TJP1: variants seen among roughly 807,000 people sequenced by gnomAD.
TJP1 encodes the protein tight junction protein ZO-1.
A neutral mutation model predicts 194.2 loss-of-function variants in TJP1; 43 were observed. The ratio of observed to expected loss-of-function variants is 0.22; its 90% CI spans 0.17 to 0.29. The LOEUF (loss-of-function observed/expected upper bound fraction) is 0.29. Ranked by LOEUF, TJP1 falls within the 10% of genes least tolerant of loss-of-function variation. The pLI is 1.00. For missense variants in TJP1, 1,971 were observed against 2,185.7 expected (o/e 0.90, Z 1.96); for synonymous variants, 801 against 779.0 (o/e 1.03, Z -0.47).
At chr15:29,713,972 A>G (rs1038061536) in intron 23 of TJP1, among the ~76,000 whole-genome samples, 1 of 152,224 alleles carries the variant, frequency 6.6e-6, no homozygotes, top group African/African-American at 2.4e-5. Flanking sequence ...TCCCTGTGAA[A>G]ACAATGACCA....
chr15:29,715,960 A>T (rs1019905308), intron 23 of TJP1, among the ~76,000 whole-genome samples: 1 of 152,228 alleles, frequency 6.6e-6, no homozygotes, highest in Non-Finnish European at 1.5e-5. Flanking sequence ...AACTATCAGT[A>T]CCAAATTCTC....
At chr15:29,813,479 G>A (rs62014467) in intron 1 of TJP1, among the ~76,000 whole-genome samples, 2 of 152,040 alleles carry the variant, frequency 1.3e-5, no homozygotes, top group Admixed American at 6.6e-5. Flanking sequence ...TACAAGAACT[G>A]AATGAAAACT....
chr15:29,783,684 C>T (rs1350794934), intron 2 of TJP1, among the ~76,000 whole-genome samples: 2 of 152,224 alleles, frequency 1.3e-5, no homozygotes, highest in Non-Finnish European at 2.9e-5. Context: ...GGGAGGCCAT[C>T]ATCCTTAGCA....
Position 29,737,797 on chromosome 15 carries a change from T to C in TJP1, c.1257-383A>G, listed in dbSNP as rs1158283428. Among the ~76,000 whole-genome samples the C allele has an allele frequency of 3.9e-5, 6 of 152,298 alleles. No homozygotes were observed. The South Asian group carries it at 1.0e-3, about 26-fold the overall frequency. ...TATTAATAACTGAAAAGTCAAATTT[T>C]TTAAAATAAAGGTAGAAATTGAAGT... is the stretch of plus-strand genomic sequence containing the variant. On this transcript the variant is annotated intron_variant, in intron 10 of 27. Coordinates refer to ENST00000614355, the MANE Select transcript of TJP1 (RefSeq NM_001330239.4).
chr15:29,890,679 A>G (rs1027882004), intron 2 of TJP1, among the ~76,000 whole-genome samples: 1 of 152,182 alleles, frequency 6.6e-6, no homozygotes, highest in Non-Finnish European at 1.5e-5. Context: ...AATAAAAAAT[A>G]TGTTGAAAAA....
intron 2 of TJP1, among the ~76,000 whole-genome samples, chr15:29,787,502 C>T (rs939768753): frequency 3.9e-5 from 6 of 152,124 alleles, no homozygotes; most frequent in African/African-American, 1.4e-4. Context: ...ACTCCGCATT[C>T]TTTAGCCATC....
intron 2 of TJP1, among the ~76,000 whole-genome samples, chr15:29,860,409 C>T (rs138060072): frequency 3.8e-3 from 584 of 152,220 alleles, no homozygotes; most frequent in Non-Finnish European, 6.7e-3. Flanking sequence ...GAAGACACTT[C>T]GCCCTTGCCC....
chr15:29,706,325 C>T (rs1334917943), intron 25 of TJP1, among the ~76,000 whole-genome samples: 3 of 152,246 alleles, frequency 2.0e-5, no homozygotes, highest in East Asian at 1.9e-4. Context: ...ATTAGTCAAA[C>T]GACCTTCATT....
intron 5 of TJP1, among the ~76,000 whole-genome samples, chr15:29,762,895 G>A (rs2046097977): frequency 6.6e-6 from 1 of 152,144 alleles, no homozygotes; most frequent in South Asian, 2.1e-4. Flanking sequence ...GTCACACTAT[G>A]CCTGGCTAGA....
At chr15:29,744,798 C>T (rs1261997871) in intron 8 of TJP1, among the ~76,000 whole-genome samples, 1 of 152,140 alleles carries the variant, frequency 6.6e-6, no homozygotes, top group African/African-American at 2.4e-5. Flanking sequence ...TAGTCATCAG[C>T]ATTCCAATCT....
chr15:29,788,643 G>C (rs2047864107), intron 2 of TJP1, among the ~76,000 whole-genome samples: 1 of 151,980 alleles, frequency 6.6e-6, no homozygotes, highest in Non-Finnish European at 1.5e-5. Context: ...ACACTCACTG[G>C]CTCACCCTTA....
downstream of TJP1, chr15:29,700,105 A>T (rs1337028958): frequency 1.8e-5 from 7 of 395,722 alleles, no homozygotes; most frequent in East Asian, 2.5e-4. Context: ...AGGATTATAA[A>T]GCTGCATGAA....
chr15:29,797,305 AC>A (rs2048477767), intron 2 of TJP1, among the ~76,000 whole-genome samples: 1 of 151,890 alleles, frequency 6.6e-6, no homozygotes, highest in Non-Finnish European at 1.5e-5. Flanking sequence ...ACATGCCAAC[AC>A]TCCCAGCTAA....
Position 29,792,848 on chromosome 15 carries a change from G to A in TJP1, c.84+7798C>T, listed in dbSNP as rs1230999988. On this transcript the variant is annotated intron_variant, in intron 2 of 27. Transcript: ENST00000614355. ...ACTTCTTTGGTTAAGTTTATTCCTA[G>A]GTATTTTATTTTATTTTATTTGTAG... 5.3e-5 allele frequency among the ~76,000 whole-genome samples: 8 copies of A among 151,944 alleles called. No individual in the cohort carries two copies. The East Asian group carries it at 7.7e-4, about 15-fold the overall frequency.
intron 2 of TJP1, among the ~76,000 whole-genome samples, chr15:29,863,890 A>C (rs1053008328): frequency 6.6e-6 from 1 of 152,050 alleles, no homozygotes; most frequent in African/African-American, 2.4e-5. Context: ...AAAAGTACAT[A>C]GTCTTTTAAA....
At position 29,769,653 on chromosome 15, in the gene TJP1, A is replaced by G. The variant is rs1050156705; in HGVS notation, c.312+2411T>C. Among the ~76,000 whole-genome samples, 37 of 152,306 alleles carry G rather than the reference A, an allele frequency of 2.4e-4. 1 individual carries two copies. Among genetic ancestry groups the G allele is most frequent in the African/African-American group, 8.9e-4 (37 of 41,560 alleles). ...GGACAGCACGTACTGCAGGGGCCCC[A>G]TAATATCACAATGGAGCTGAAAATC... On this transcript the variant is annotated intron_variant, in intron 4 of 27. Transcript: ENST00000614355.
chr15:29,956,130 T>C, intron 2 of TJP1: 1 of 1,020,312 alleles, frequency 9.8e-7, no homozygotes, highest in Non-Finnish European at 1.2e-6. Context: ...AATTAAAAAA[T>C]GCCTGCCACA....
chr15:29,761,078 T>C (rs1407826034), intron 8 of TJP1, 61 bp downstream of exon 8: 2 of 1,465,242 alleles, frequency 1.4e-6, no homozygotes, highest in Non-Finnish European at 1.8e-6. Context: ...GTAAGCAATT[T>C]CAGATACTGG....
chr15:29,761,814 A>G (rs1442493388), intron 6 of TJP1, 45 bp from the exon 7 acceptor site: 12 of 1,449,190 alleles, frequency 8.3e-6, no homozygotes, highest in Non-Finnish European at 1.0e-5. Context: ...ATAATAAAAT[A>G]CAAATGTTAA....
Sources: gnomAD v4.1 joint callset for allele counts (sites outside exome capture counted in the v4.1 genomes callset) on GRCh38, gnomAD v4.1.1 for gene constraint, MANE v1.5 for transcripts, NCBI Gene and HGNC (gene_info 2026-07-23, HGNC 2026-07-21) for gene names.